TRIM59: variants seen among roughly 807,000 people sequenced by gnomAD.
The protein encoded by TRIM59 is tripartite motif-containing protein 59.
TRIM59 carries 14 observed loss-of-function variants against 32.2 expected under a neutral mutation model. The ratio of observed to expected loss-of-function variants is 0.43; its 90% CI spans 0.29 to 0.68. The LOEUF (loss-of-function observed/expected upper bound fraction) is 0.68. Among genes scored for constraint, TRIM59 ranks in the 30% least tolerant of loss-of-function variants. TRIM59 has a pLI of 0.15. For missense variants in TRIM59, 471 were observed against 463.3 expected (o/e 1.02, Z -0.15); for synonymous variants, 163 against 155.1 (o/e 1.05, Z -0.38).
At chr3:160,441,495 T>C (rs1444998092) in intron 2 of TRIM59, among the ~76,000 whole-genome samples, 1 of 152,126 alleles carries the variant, frequency 6.6e-6, no homozygotes, top group African/African-American at 2.4e-5. Context: ...GGCTCACGCC[T>C]GTAATCTCCG....
intron 2 of TRIM59, among the ~76,000 whole-genome samples, chr3:160,441,482 G>A (rs1458754603): frequency 1.3e-5 from 2 of 151,914 alleles, no homozygotes; most frequent in Non-Finnish European, 1.5e-5. Context: ...GGCCAGGTGC[G>A]GGGGCTCACG....
intron 2 of TRIM59, among the ~76,000 whole-genome samples, chr3:160,444,620 T>C (rs1577017825): frequency 6.6e-6 from 1 of 152,228 alleles, no homozygotes; most frequent in East Asian, 1.9e-4. Context: ...ATGTGACTGT[T>C]CTGACCAATA....
At position 160,436,987 on chromosome 3, in the gene TRIM59, G is replaced by A. The variant is rs1719008520; in HGVS notation, c.*985C>T. The A allele has an allele frequency of 1.0e-6, 1 of 984,910 alleles. No individual in the cohort carries two copies. The highest frequency in any genetic ancestry group is 6.2e-5 in the Admixed American group (1 of 16,214). 61.0% of individuals were successfully genotyped at this position (984,910 alleles called of 1,614,324 possible). On this transcript the variant is annotated 3_prime_UTR_variant, in exon 3 of 3. Transcript: ENST00000309784. ...AGAATGAGTTTTTAATCCAAGAACT[G>A]ATTTGACTGACGAGCAGAAAAAAAA...
chr3:160,437,908 C>T lies in TRIM59; in HGVS notation c.*64G>A, dbSNP rs750723248. On this transcript the variant is annotated 3_prime_UTR_variant, in exon 3 of 3. Coordinates refer to ENST00000309784, the MANE Select transcript of TRIM59 (RefSeq NM_173084.3). ...AAGCTTAGTTTGCTCTTTATCCATG[C>T]TACCCCATTTTTTGTTTAGCAATGT... 1 of 1,437,972 alleles carries T rather than the reference C, an allele frequency of 7.0e-7. No individual in the cohort carries two copies. Among genetic ancestry groups the T allele is most frequent in the South Asian group, 1.8e-5 (1 of 54,980 alleles). 89.1% of individuals were successfully genotyped at this position (1,437,972 alleles called of 1,614,324 possible).
intron 2 of TRIM59, among the ~76,000 whole-genome samples, chr3:160,442,175 G>A (rs1719289831): frequency 6.6e-6 from 1 of 152,132 alleles, no homozygotes; most frequent in African/African-American, 2.4e-5. Flanking sequence ...AGCAAAACTA[G>A]TCCTAAAACA....
Position 160,437,179 on chromosome 3 carries a change from T to C in TRIM59, c.*793A>G. On this transcript the variant is annotated 3_prime_UTR_variant, in exon 3 of 3. Transcript: ENST00000309784. Reference sequence around the variant, plus strand: ...CCAACCTGGGCAATATGGCAAAACCTCGTTTCTACAAAAAACAATTTTTTT... The same window carrying C: ...CCAACCTGGGCAATATGGCAAAACCCCGTTTCTACAAAAAACAATTTTTTT... 1.4e-6 allele frequency: 1 copy of C among 696,690 alleles called. No homozygotes were observed. Among genetic ancestry groups the C allele is most frequent in the Non-Finnish European group, 1.8e-6 (1 of 566,858 alleles). 43.2% of individuals were successfully genotyped at this position (696,690 alleles called of 1,614,324 possible).
chr3:160,442,468 A>AT (rs1459843162), intron 2 of TRIM59, among the ~76,000 whole-genome samples: 1 of 151,858 alleles, frequency 6.6e-6, no homozygotes, highest in Non-Finnish European at 1.5e-5. Flanking sequence ...TGTAATCCCT[A>AT]TAATCCCAGC....
chr3:160,449,418 G>T, intron 1 of TRIM59: 1 of 1,071,178 alleles, frequency 9.3e-7, no homozygotes, highest in Non-Finnish European at 1.2e-6. Context: ...CTCGGCACCC[G>T]CCCGTCCCCA....
rs780094886 is a variant in TRIM59 at position 160,438,738 on chromosome 3, A to C, written c.446T>G (p.Leu149Arg). 1 of 1,614,082 alleles carries C rather than the reference A, an allele frequency of 6.2e-7. No individual in the cohort carries two copies. Among genetic ancestry groups the C allele is most frequent in the Non-Finnish European group, 8.5e-7 (1 of 1,180,004 alleles). Residue 149 changes from leucine to arginine, a missense_variant, in exon 3 of 3, where the codon CTT becomes CGT. Leu to Arg is a moderately radical substitution (Grantham distance 102, BLOSUM62 -2). Transcript: ENST00000309784. ...LKEKDTPQKL[L>R]EQLTDTHWTD... is the part of the protein sequence containing the mutation. ...CCAGTGTGTGTCAGTCAACTGTTCA[A>C]GCAGTTTTTGAGGAGTGTCCTTTTC...
rs576804311 is a variant in TRIM59, at chr3:160,449,702, G to A, written c.-74+15C>T. ...GAACCACCTTCTCCGCATCCGTAAA[G>A]GTCCTTAGACTCACCGCGGGGAGGA... On this transcript the variant is annotated intron_variant, in intron 1 of 2. Coordinates refer to ENST00000309784, the MANE Select transcript of TRIM59 (RefSeq NM_173084.3). 21 of 1,289,154 alleles carry A rather than the reference G, an allele frequency of 1.6e-5. No individual in the cohort carries two copies. In the East Asian group the frequency reaches 8.9e-4, roughly 54 times the overall value. 79.9% of individuals were successfully genotyped at this position (1,289,154 alleles called of 1,614,324 possible).
chr3:160,438,635 T>C lies in TRIM59; in HGVS notation c.549A>G (p.Glu183=), dbSNP rs762461133. Residue 183 remains glutamate, a synonymous_variant, in exon 3 of 3, where the codon GAA becomes GAG. Coordinates refer to ENST00000309784, the MANE Select transcript of TRIM59 (RefSeq NM_173084.3). ...HSEKMIQGDK[E]AVLQYFKELN... Reference sequence around the variant, plus strand: ...GCTCCTTAAAATACTGGAGAACAGCTTCCTTATCGCCTTGGATCATTTTCT... The same window carrying C: ...GCTCCTTAAAATACTGGAGAACAGCCTCCTTATCGCCTTGGATCATTTTCT... The C allele has an allele frequency of 6.2e-7, 1 of 1,612,710 alleles. No individual in the cohort carries two copies. Among genetic ancestry groups the C allele is most frequent in the Admixed American group, 1.7e-5 (1 of 59,724 alleles).
intron 2 of TRIM59, among the ~76,000 whole-genome samples, chr3:160,445,006 C>T (rs774053364): frequency 1.3e-5 from 2 of 150,804 alleles, no homozygotes; most frequent in Non-Finnish European, 2.9e-5. Flanking sequence ...GTAAAATCTA[C>T]AGAGCTAAAA....
rs1217961752 is a variant in TRIM59, at chr3:160,438,828, T to C, written c.356A>G (p.His119Arg). 1.2e-6 allele frequency: 2 copies of C among 1,613,966 alleles called. No homozygotes were observed. Among genetic ancestry groups the C allele is most frequent in the South Asian group, 1.1e-5 (1 of 91,090 alleles). The stretch of plus-strand genomic sequence containing the variant: ...ATGATGTTGACCTATGGTAAGGCAA[T>C]GACCACAAACTAATTTTTTATCTAA... ...CLLDKKLVCG[H>R]CLTIGQHHGH... The change falls in exon 3 of 3, where the codon CAT becomes CGT. Residue 119 changes from histidine (H) to arginine (R), a missense_variant. By Grantham distance (29) the His-to-Arg change is conservative. Transcript: ENST00000309784.
intron 2 of TRIM59, among the ~76,000 whole-genome samples, chr3:160,448,221 G>T (rs1416876219): frequency 6.6e-6 from 1 of 152,134 alleles, no homozygotes; most frequent in African/African-American, 2.4e-5. Flanking sequence ...AATTGCTTTT[G>T]CTGTACTTTT....
chr3:160,440,029 T>C (rs1314774801), intron 2 of TRIM59, among the ~76,000 whole-genome samples: 2 of 152,242 alleles, frequency 1.3e-5, no homozygotes, highest in Admixed American at 1.3e-4. Context: ...CATGTCCCAG[T>C]TGGCTCAATA....
chr3:160,445,790 A>C (rs1719500762), intron 2 of TRIM59, among the ~76,000 whole-genome samples: 2 of 151,772 alleles, frequency 1.3e-5, no homozygotes, highest in South Asian at 4.2e-4. Flanking sequence ...AAAAAAAAAA[A>C]AAAATTGCTA....
At chr3:160,448,840 CT>C in intron 1 of TRIM59, 45 bp from the exon 2 acceptor site, 6 of 1,035,946 alleles carry the variant, frequency 5.8e-6, no homozygotes, top group Non-Finnish European at 7.6e-6. Flanking sequence ...AATTTATTGT[CT>C]CATGTCATAA....
rs201971764 is a variant in TRIM59 at position 160,439,059 on chromosome 3, C to T, written c.125G>A (p.Gly42Asp). 2 of 1,576,402 alleles carry T rather than the reference C, an allele frequency of 1.3e-6. No individual in the cohort carries two copies. Among genetic ancestry groups the T allele is most frequent in the Non-Finnish European group, 8.6e-7 (1 of 1,162,610 alleles). The change falls in exon 3 of 3, where the codon GGT becomes GAT. Residue 42 changes from glycine to aspartate, a missense_variant. Coordinates refer to ENST00000309784, the MANE Select transcript of TRIM59 (RefSeq NM_173084.3). ...TAAAGGTCTCCATATATAAAAGTTA[C>T]CAGATGCCTGAAGAATGTTTTCCAA... is the stretch of plus-strand genomic sequence containing the variant. ...NCLENILQAS[G>D]NFYIWRPLRI...
Position 160,435,993 on chromosome 3 carries a change from C to T in TRIM59, c.*1979G>A. Reference sequence around the variant, plus strand: ...CATTGCTTACGTGTTTTTGAAACTACAGGGCACTTTTATGGTGTGACTAGT... The same window carrying T: ...CATTGCTTACGTGTTTTTGAAACTATAGGGCACTTTTATGGTGTGACTAGT... On this transcript the variant is annotated 3_prime_UTR_variant, in exon 3 of 3. Transcript: ENST00000309784. The T allele has an allele frequency of 7.9e-7, 1 of 1,261,994 alleles. No homozygotes were observed. The highest frequency in any genetic ancestry group is 1.0e-6 in the Non-Finnish European group (1 of 977,038). 78.2% of individuals were successfully genotyped at this position (1,261,994 alleles called of 1,614,324 possible).
Sources: gnomAD v4.1 joint callset for allele counts (sites outside exome capture counted in the v4.1 genomes callset) on GRCh38, gnomAD v4.1.1 for gene constraint, MANE v1.5 for transcripts, NCBI Gene and HGNC (gene_info 2026-07-23, HGNC 2026-07-21) for gene names.